KIRREL3: variants seen among roughly 807,000 people sequenced by gnomAD.
KIRREL3 encodes kin of IRRE-like protein 3.
A neutral mutation model predicts 89.7 loss-of-function variants in KIRREL3; 36 were observed. The ratio of observed to expected loss-of-function variants is 0.40; its 90% CI spans 0.31 to 0.53. The LOEUF (loss-of-function observed/expected upper bound fraction) is 0.53. Among genes scored for constraint, KIRREL3 ranks in the 20% least tolerant of loss-of-function variants. The pLI is 0.49. For synonymous variants in KIRREL3, 445 were observed against 441.4 expected (o/e 1.01, Z -0.10); for missense variants, 864 against 1,056.6 (o/e 0.82, Z 2.53).
At position 126,594,303 on chromosome 11, in the gene KIRREL3, G is replaced by A. The variant is rs975969525; in HGVS notation, c.56-31391C>T. ...GGAGCCACAGGATTCATGGCGTACT[G>A]TGATTTTTTTGTTGTTGCTATGGTC... On this transcript the variant is annotated intron_variant, in intron 1 of 16. Transcript: ENST00000525144. This position sits in a 1 kb window ranked among gnomAD's most constrained non-coding sequence, Gnocchi z 5.0. Among the ~76,000 whole-genome samples, 1 of 141,458 alleles carries A rather than the reference G, an allele frequency of 7.1e-6. No homozygotes were observed. The highest frequency in any genetic ancestry group is 2.4e-5 in the African/African-American group (1 of 41,172). The allele number at this position is 141,458 out of a possible 152,430, so 92.8% of individuals were successfully genotyped here. A position where few individuals can be genotyped will look rare whatever the true frequency, so the allele number is the denominator to read the frequency against.
intron 8 of KIRREL3, among the ~76,000 whole-genome samples, chr11:126,447,259 C>T (rs757700626): frequency 1.3e-5 from 2 of 151,174 alleles, no homozygotes; most frequent in African/African-American, 2.4e-5. Context: ...GCGGAAGCCC[C>T]TCCATCCCAG....
At chr11:126,470,412 CT>C (rs1956853671) in intron 5 of KIRREL3, among the ~76,000 whole-genome samples, 2 of 152,348 alleles carry the variant, frequency 1.3e-5, no homozygotes, top group African/African-American at 4.8e-5. Context: ...CTCCCTCCCC[CT>C]GGACTTGTGT....
chr11:126,493,677 AG>A (rs1957586971), intron 4 of KIRREL3, among the ~76,000 whole-genome samples: 2 of 148,370 alleles, frequency 1.3e-5, no homozygotes, highest in African/African-American at 4.9e-5. Flanking sequence ...AAAAAAAAAG[AG>A]AGAATTGGAG....
intron 1 of KIRREL3, among the ~76,000 whole-genome samples, chr11:126,861,934 A>G (rs937185730): frequency 1.3e-5 from 2 of 152,150 alleles, no homozygotes; most frequent in African/African-American, 2.4e-5. Context: ...CTGTCTCTAA[A>G]CCTTTCCCAT....
In KIRREL3 at chr11:126,430,801, G is replaced by T; in HGVS notation, c.1696+618C>A. 5.2e-6 allele frequency: 1 copy of T among 194,152 alleles called. No homozygotes were observed. The highest frequency in any genetic ancestry group is 9.5e-6 in the Non-Finnish European group (1 of 105,778). 12.0% of individuals were successfully genotyped at this position (194,152 alleles called of 1,614,324 possible). A position where few individuals can be genotyped will look rare whatever the true frequency, so the allele number is the denominator to read the frequency against. The stretch of plus-strand genomic sequence containing the variant: ...GGCCCAGGGTCATGTGGCAGAAGAG[G>T]TGGGACTGGAACACTGTGTCTCCAT... On this transcript the variant is annotated intron_variant, in intron 14 of 16. Coordinates refer to ENST00000525144, the MANE Select transcript of KIRREL3 (RefSeq NM_032531.4). The surrounding 1 kb of genome is among the most constrained non-coding windows in gnomAD (Gnocchi z 6.6).
intron 1 of KIRREL3, among the ~76,000 whole-genome samples, chr11:126,732,793 C>T (rs1948673205): frequency 1.3e-5 from 2 of 152,218 alleles, no homozygotes; most frequent in South Asian, 4.1e-4. Context: ...GATCTAACCC[C>T]AGAGCACTGC....
At chr11:126,775,039 T>C (rs1231273478) in intron 1 of KIRREL3, among the ~76,000 whole-genome samples, 1 of 152,138 alleles carries the variant, frequency 6.6e-6, no homozygotes, top group Non-Finnish European at 1.5e-5. Flanking sequence ...TTCCCTAATA[T>C]GCAACTGGTA....
rs748274974 is a variant in KIRREL3 at position 126,516,947 on chromosome 11, C to T, written c.433+4368G>A. Among the ~76,000 whole-genome samples, 3 of 152,100 alleles carry T rather than the reference C, an allele frequency of 2.0e-5. No homozygotes were observed. The highest frequency in any genetic ancestry group is 4.4e-5 in the Non-Finnish European group (3 of 68,022). On this transcript the variant is annotated intron_variant, in intron 4 of 16. Transcript: ENST00000525144. This position sits in a 1 kb window ranked among gnomAD's most constrained non-coding sequence, Gnocchi z 4.9. ...CAAAAATTAGCCAGGCGTGGTGGCA[C>T]GTGCCTGTAATCCCAGCTACTCAGG...
In KIRREL3 at chr11:126,989,594, T is replaced by G. The variant is rs619457; in HGVS notation, c.55+10861A>C. Among the ~76,000 whole-genome samples the G allele has an allele frequency of 0.12, 18,967 of 152,224 alleles. 1,380 individuals carry two copies. The highest frequency in any genetic ancestry group is 0.21 in the Middle Eastern group (61 of 294). Reference sequence around the variant, plus strand: ...CTTCATTCTATTCCCGCTATCTTAGTTCACGCTGCCTGTGGATCAACTCGG... The same window carrying G: ...CTTCATTCTATTCCCGCTATCTTAGGTCACGCTGCCTGTGGATCAACTCGG... On this transcript the variant is annotated intron_variant, in intron 1 of 16. Transcript: ENST00000525144. The surrounding 1 kb of genome is among the most constrained non-coding windows in gnomAD (Gnocchi z 6.2).
At position 126,769,414 on chromosome 11, in the gene KIRREL3, A is replaced by G. The variant is rs1782228854; in HGVS notation, c.56-206502T>C. On this transcript the variant is annotated intron_variant, in intron 1 of 16. Transcript: ENST00000525144. This position sits in a 1 kb window ranked among gnomAD's most constrained non-coding sequence, Gnocchi z 4.3. ...AATCCTGCAATATCTGTCCAAGTCA[A>G]CATGAGACATTATTGGATAGATATT... is the stretch of plus-strand genomic sequence containing the variant. Among the ~76,000 whole-genome samples the G allele has an allele frequency of 6.6e-6, 1 of 152,206 alleles. No individual in the cohort carries two copies. The highest frequency in any genetic ancestry group is 1.5e-5 in the Non-Finnish European group (1 of 68,036).
chr11:126,539,618 G>A (rs1470161976), intron 2 of KIRREL3, among the ~76,000 whole-genome samples: 2 of 152,232 alleles, frequency 1.3e-5, no homozygotes, highest in Non-Finnish European at 2.9e-5. Flanking sequence ...GAAGATGAAA[G>A]TGTGAATGGA....
rs1284764961 is a variant in KIRREL3, at chr11:126,795,915, C to T, written c.55+204540G>A. Among the ~76,000 whole-genome samples, 1 of 152,114 alleles carries T rather than the reference C, an allele frequency of 6.6e-6. No individual in the cohort carries two copies. The highest frequency in any genetic ancestry group is 2.4e-5 in the African/African-American group (1 of 41,422). Reference sequence around the variant, plus strand: ...GGCTCGTCCTCACCCTGGGTAAAGGCTCATGCAGGCATTGGGAAAAGCATG... The same window carrying T: ...GGCTCGTCCTCACCCTGGGTAAAGGTTCATGCAGGCATTGGGAAAAGCATG... On this transcript the variant is annotated intron_variant, in intron 1 of 16. Coordinates refer to ENST00000525144, the MANE Select transcript of KIRREL3 (RefSeq NM_032531.4). This position sits in a 1 kb window ranked among gnomAD's most constrained non-coding sequence, Gnocchi z 4.1.
chr11:126,778,949 A>G lies in KIRREL3; in HGVS notation c.56-216037T>C, dbSNP rs1592115932. Among the ~76,000 whole-genome samples, 1 of 152,216 alleles carries G rather than the reference A, an allele frequency of 6.6e-6. No homozygotes were observed. The highest frequency in any genetic ancestry group is 6.5e-5 in the Admixed American group (1 of 15,288). On this transcript the variant is annotated intron_variant, in intron 1 of 16. Transcript: ENST00000525144. This position sits in a 1 kb window ranked among gnomAD's most constrained non-coding sequence, Gnocchi z 4.5. ...TCTGAACACACACACAAGGTAATAC[A>G]TGTAAGAGCACCTAGCGCGGAACTT...
chr11:126,921,963 A>ATATCTATATC (rs1555089248), intron 1 of KIRREL3, among the ~76,000 whole-genome samples: 1 of 139,896 alleles, frequency 7.1e-6, no homozygotes, highest in Admixed American at 7.1e-5. Flanking sequence ...CTGTATATCT[A>ATATCTATATC]TATCTATCTA....
rs1469051938 is a variant in KIRREL3 at position 126,696,460 on chromosome 11, C to A, written c.56-133548G>T. On this transcript the variant is annotated intron_variant, in intron 1 of 16. Coordinates refer to ENST00000525144, the MANE Select transcript of KIRREL3 (RefSeq NM_032531.4). This position sits in a 1 kb window ranked among gnomAD's most constrained non-coding sequence, Gnocchi z 4.4. ...ATCCCCAGCCTTCTATGAGATACCA[C>A]ATGCAGCCTGCAAACTCCCACAGCT... is the stretch of plus-strand genomic sequence containing the variant. Among the ~76,000 whole-genome samples the A allele has an allele frequency of 6.6e-6, 1 of 152,176 alleles. No individual in the cohort carries two copies. Among genetic ancestry groups the A allele is most frequent in the Non-Finnish European group, 1.5e-5 (1 of 68,028 alleles).
rs544003085 is a variant in KIRREL3, at chr11:126,928,108, C to T, written c.55+72347G>A. Among the ~76,000 whole-genome samples the T allele has an allele frequency of 5.9e-5, 9 of 152,324 alleles. No homozygotes were observed. The South Asian group carries it at 1.5e-3, about 25-fold the overall frequency. ...GTGCTCAAATCACACAAGTCATTGC[C>T]ATAAGTGCTACCGTCAATGTATTTT... is the stretch of plus-strand genomic sequence containing the variant. On this transcript the variant is annotated intron_variant, in intron 1 of 16. Transcript: ENST00000525144.
At chr11:126,902,123 A>G (rs189175095) in intron 1 of KIRREL3, among the ~76,000 whole-genome samples, 2 of 152,322 alleles carry the variant, frequency 1.3e-5, no homozygotes, top group Admixed American at 1.3e-4. Flanking sequence ...GGAAGGAGCT[A>G]TGGAGGCTTG....
rs949135360 is a variant in KIRREL3, at chr11:126,704,378, C to A, written c.56-141466G>T. Among the ~76,000 whole-genome samples, 5 of 151,990 alleles carry A rather than the reference C, an allele frequency of 3.3e-5. No homozygotes were observed. Among genetic ancestry groups the A allele is most frequent in the African/African-American group, 7.3e-5 (3 of 41,376 alleles). On this transcript the variant is annotated intron_variant, in intron 1 of 16. Transcript: ENST00000525144. This position sits in a 1 kb window ranked among gnomAD's most constrained non-coding sequence, Gnocchi z 4.2. The stretch of plus-strand genomic sequence containing the variant: ...CAGGAGAGAGGAGGTGGGGTGGGGC[C>A]GGGAAGAAGTGAGTACTAGCAGAAC...
At chr11:126,922,714 G>GCAACAACAA (rs60734857) in intron 1 of KIRREL3, among the ~76,000 whole-genome samples, 142 of 151,226 alleles carry the variant, frequency 9.4e-4, no homozygotes, top group Middle Eastern at 3.2e-3. Flanking sequence ...AGGAGCAGCA[G>GCAACAACAA]CAACAACAAC....
Sources: allele counts gnomAD v4.1 joint callset (sites outside exome capture counted in the v4.1 genomes callset), GRCh38; gene constraint gnomAD v4.1.1; non-coding constraint Gnocchi (gnomAD v3.1); transcripts MANE v1.5; gene names NCBI Gene and HGNC (gene_info 2026-07-23, HGNC 2026-07-21).